RAB38: variants seen among roughly 807,000 people sequenced by gnomAD.
The protein encoded by RAB38 is RAB38, member RAS oncogene family, also known as ras-related protein Rab-38.
RAB38 carries 15 observed loss-of-function variants against 18.4 expected under a neutral mutation model. The ratio of observed to expected loss-of-function variants is 0.82; its 90% CI spans 0.55 to 1.26. The LOEUF is 1.26. RAB38 is among the 50% of genes most tolerant of loss of function. The pLI, the probability that RAB38 is intolerant of heterozygous loss-of-function variation, is 0.00. For synonymous variants in RAB38, 101 were observed against 104.4 expected, an observed-to-expected ratio of 0.97 and a Z score of 0.20; for missense variants, 294 against 267.4, an observed-to-expected ratio of 1.10 and a Z score of -0.69.
the RAB38 span, among the ~76,000 whole-genome samples, chr11:87,951,120 CTTCATTTCA>C: frequency 1.0e-3 from 158 of 152,222 alleles, 5 homozygotes; most frequent in East Asian, 0.024. Context: ...TCTCTTCTTG[CTTCATTTCA>C]TTCATTTCAT....
At chr11:87,880,799 T>C in the RAB38 span, among the ~76,000 whole-genome samples, 1 of 151,900 alleles carries the variant, frequency 6.6e-6, no homozygotes, top group African/African-American at 2.4e-5. Context: ...TTTATTCATT[T>C]ATTCCACAAA....
chr11:88,145,354 G>A (rs1269283175), intron 2 of RAB38, among the ~76,000 whole-genome samples: 3 of 152,026 alleles, frequency 2.0e-5, no homozygotes. Context: ...TCACCATGTT[G>A]GCCAGGCTGG....
chr11:87,914,201 A>T, the RAB38 span, among the ~76,000 whole-genome samples: 1 of 152,114 alleles, frequency 6.6e-6, no homozygotes, highest in African/African-American at 2.4e-5. Context: ...AAAAAGAGGG[A>T]AAATTTGAAG....
chr11:87,936,643 T>G, the RAB38 span, among the ~76,000 whole-genome samples: 1 of 152,106 alleles, frequency 6.6e-6, no homozygotes, highest in East Asian at 1.9e-4. Context: ...TTTGTTAAAA[T>G]AGTTTGAGAT....
the RAB38 span, among the ~76,000 whole-genome samples, chr11:87,804,687 T>C: frequency 4.6e-5 from 7 of 152,120 alleles, no homozygotes; most frequent in African/African-American, 1.7e-4. Context: ...CTCCAAAACT[T>C]ATCTGGGAAT....
chr11:87,977,638 A>C, the RAB38 span, among the ~76,000 whole-genome samples: 3 of 118,184 alleles, frequency 2.5e-5, no homozygotes, highest in Admixed American at 3.0e-4. Context: ...ATATTATATA[A>C]TTATATAAAT....
At chr11:87,948,885 A>AG in the RAB38 span, among the ~76,000 whole-genome samples, 1 of 151,764 alleles carries the variant, frequency 6.6e-6, no homozygotes, top group African/African-American at 2.4e-5. Flanking sequence ...CTTTGGTATC[A>AG]GGATGATGCT....
At chr11:87,909,809 C>G in the RAB38 span, among the ~76,000 whole-genome samples, 2 of 152,060 alleles carry the variant, frequency 1.3e-5, no homozygotes, top group South Asian at 4.1e-4. Flanking sequence ...ATTCATTACA[C>G]TGTTGATAGA....
chr11:87,823,173 A>G, the RAB38 span, among the ~76,000 whole-genome samples: 8 of 152,154 alleles, frequency 5.3e-5, no homozygotes, highest in Non-Finnish European at 1.2e-4. Context: ...TAAAAACTGT[A>G]AATAGCTGCC....
rs79320864 is a variant in RAB38, at chr11:88,157,993, C to T, written c.203-8038G>A. Among the ~76,000 whole-genome samples the T allele has an allele frequency of 4.5e-3, 686 of 151,824 alleles. 3 individuals are homozygous for T. Among genetic ancestry groups the T allele is most frequent in the African/African-American group, 0.015 (642 of 41,448 alleles). On this transcript the variant is annotated intron_variant, in intron 1 of 2. Coordinates refer to ENST00000243662, the MANE Select transcript of RAB38 (RefSeq NM_022337.3). Reference sequence around the variant, plus strand: ...ACAAAGTATCAATGAAAGCAAATGTCGGTTCTTTGAAAGAATGAACAAGAT... The same window carrying T: ...ACAAAGTATCAATGAAAGCAAATGTTGGTTCTTTGAAAGAATGAACAAGAT...
intron 1 of RAB38, among the ~76,000 whole-genome samples, chr11:88,153,318 TAGACTC>T (rs1253270240): frequency 1.2e-4 from 19 of 152,342 alleles, no homozygotes; most frequent in African/African-American, 4.6e-4. Context: ...CTTGGTGTCA[TAGACTC>T]AGCTAAAAAT....
chr11:87,966,133 A>G, the RAB38 span, among the ~76,000 whole-genome samples: 1 of 152,186 alleles, frequency 6.6e-6, no homozygotes, highest in Non-Finnish European at 1.5e-5. Flanking sequence ...CAAAGGCACC[A>G]GCCACAATTA....
chr11:87,917,214 C>A, the RAB38 span, among the ~76,000 whole-genome samples: 3 of 152,030 alleles, frequency 2.0e-5, no homozygotes, highest in Admixed American at 6.6e-5. Flanking sequence ...CTGTGGCATA[C>A]CTGCACCGTG....
the RAB38 span, among the ~76,000 whole-genome samples, chr11:88,052,919 T>TTTC: frequency 9.0e-4 from 25 of 27,818 alleles, no homozygotes; most frequent in African/African-American, 5.7e-3. Flanking sequence ...TATATATATA[T>TTTC]ATATATATAT....
At chr11:87,971,378 A>C in the RAB38 span, among the ~76,000 whole-genome samples, 8 of 152,122 alleles carry the variant, frequency 5.3e-5, no homozygotes, top group Non-Finnish European at 1.2e-4. Context: ...TAAAGTCAGG[A>C]AAGACAAGAG....
chr11:88,006,608 TTA>T, the RAB38 span, among the ~76,000 whole-genome samples: 2 of 124,818 alleles, frequency 1.6e-5, no homozygotes, highest in African/African-American at 2.8e-5. Flanking sequence ...TATATACACA[TTA>T]TATATATGTA....
the RAB38 span, among the ~76,000 whole-genome samples, chr11:87,807,561 A>C: frequency 0.71 from 108,468 of 152,024 alleles, 39,571 homozygotes; most frequent in East Asian, 0.93. Context: ...ATTTTAACAC[A>C]TAAAATTTAA....
At chr11:87,975,656 G>A in the RAB38 span, among the ~76,000 whole-genome samples, 18 of 151,698 alleles carry the variant, frequency 1.2e-4, no homozygotes, top group Admixed American at 1.2e-3. Context: ...CAAAAACATG[G>A]ATTAAATGAA....
the RAB38 span, among the ~76,000 whole-genome samples, chr11:87,972,856 G>A: frequency 2.0e-5 from 3 of 152,140 alleles, no homozygotes; most frequent in Admixed American, 6.6e-5. Context: ...CAGTGTTGGA[G>A]GATGGGCCTG....
Sources: gnomAD v4.1 joint callset for allele counts (sites outside exome capture counted in the v4.1 genomes callset) on GRCh38, gnomAD v4.1.1 for gene constraint, MANE v1.5 for transcripts, NCBI Gene and HGNC (gene_info 2026-07-23, HGNC 2026-07-21) for gene names.